The following NPLOC4 variants were observed in gnomAD, a reference collection of about 807,000 sequenced individuals.
NPLOC4 encodes nuclear protein localization protein 4 homolog.
Under a neutral mutation model 80.6 loss-of-function variants are expected in NPLOC4, and 18 were observed. The ratio of observed to expected loss-of-function variants is 0.22; its 90% CI spans 0.15 to 0.33. NPLOC4 has a LOEUF of 0.33. Among genes scored for constraint, NPLOC4 ranks in the 10% least tolerant of loss-of-function variants. The pLI is 1.00. For synonymous variants in NPLOC4, 313 were observed against 301.5 expected (o/e 1.04, Z -0.39); for missense variants, 540 against 786.1 (o/e 0.69, Z 3.74).
Position 81,606,727 on chromosome 17 carries a change from A to C in NPLOC4, c.618T>G (p.Thr206=), listed in dbSNP as rs764300545. The C allele has an allele frequency of 1.2e-6, 2 of 1,613,844 alleles. No individual in the cohort carries two copies. The highest frequency in any genetic ancestry group is 2.2e-5 in the South Asian group (2 of 91,064). Reference sequence around the variant, plus strand: ...GCGTGATGGCGCTCGGCTGGCACTTAGTACAGATGCCATTCGGCCACGGGA... The same window carrying C: ...GCGTGATGGCGCTCGGCTGGCACTTCGTACAGATGCCATTCGGCCACGGGA... ...GHLPWPNGIC[T]KCQPSAITLN... is the part of the protein sequence containing the mutation. The change falls in exon 7 of 17, where the codon ACT becomes ACG. Residue 206 remains threonine (T), a synonymous_variant. Transcript: ENST00000331134.
At chr17:81,619,302 G>A (rs1378035885) in intron 3 of NPLOC4, among the ~76,000 whole-genome samples, 7 of 151,984 alleles carry the variant, frequency 4.6e-5, no homozygotes, top group South Asian at 2.1e-4. Flanking sequence ...GCATGAACCC[G>A]GGAGGTGGAG....
chr17:81,631,438 T>TA (rs1568170977), intron 1 of NPLOC4, among the ~76,000 whole-genome samples: 398 of 25,900 alleles, frequency 0.015, 3 homozygotes, highest in African/African-American at 0.046. Flanking sequence ...ATATATATAT[T>TA]TTTTTTTTTT....
At chr17:81,593,014 G>A (rs576570065) in intron 11 of NPLOC4, among the ~76,000 whole-genome samples, 1 of 151,986 alleles carries the variant, frequency 6.6e-6, no homozygotes, top group African/African-American at 2.4e-5. Flanking sequence ...AAAGATCCTC[G>A]ATTTCACTCA....
intron 1 of NPLOC4, 140 bp from the exon 2 acceptor site, chr17:81,629,945 G>C (rs2035887494): frequency 1.6e-6 from 1 of 637,760 alleles, no homozygotes; most frequent in Non-Finnish European, 2.8e-6. Context: ...TCAATACCCA[G>C]CTCAATCCTT....
At chr17:81,559,925 G>C (rs1030898450) in intron 16 of NPLOC4, among the ~76,000 whole-genome samples, 3 of 151,314 alleles carry the variant, frequency 2.0e-5, no homozygotes, top group Non-Finnish European at 4.4e-5. Context: ...GGTAGAACTA[G>C]GGTTTCACCA....
At chr17:81,583,922 T>C (rs12942146) in intron 12 of NPLOC4, among the ~76,000 whole-genome samples, 148,581 of 152,370 alleles carry the variant, frequency 0.98, 72,452 homozygotes, top group African/African-American at 0.99. Flanking sequence ...TATAGATGCA[T>C]TTTTAATTTT....
intron 5 of NPLOC4, among the ~76,000 whole-genome samples, chr17:81,609,102 C>A (rs2035278402): frequency 6.6e-6 from 1 of 152,228 alleles, no homozygotes; most frequent in Admixed American, 6.5e-5. Context: ...CTCACTACAA[C>A]CTCCACCTCT....
chr17:81,567,811 G>C lies in NPLOC4; in HGVS notation c.1450-278C>G, dbSNP rs2034051850. The C allele has an allele frequency of 5.7e-6, 2 of 349,726 alleles. No individual in the cohort carries two copies. The highest frequency in any genetic ancestry group is 5.3e-6 in the Non-Finnish European group (1 of 187,492). 21.7% of individuals were successfully genotyped at this position (349,726 alleles called of 1,614,324 possible). ...AGCTGACTCAGACTGGCCAGGTGTG[G>C]AGGCTAACACAGTAATTCCAGCACT... On this transcript the variant is annotated intron_variant, in intron 14 of 16. Coordinates refer to ENST00000331134, the MANE Select transcript of NPLOC4 (RefSeq NM_017921.4). This position sits in a 1 kb window ranked among gnomAD's most constrained non-coding sequence, Gnocchi z 4.5.
intron 11 of NPLOC4, among the ~76,000 whole-genome samples, chr17:81,594,432 AT>A (rs2034840515): frequency 3.9e-5 from 6 of 152,086 alleles, no homozygotes; most frequent in Admixed American, 3.9e-4. Flanking sequence ...TGCACCTTAA[AT>A]CAAGGAACTG....
In NPLOC4 at chr17:81,572,902, A is replaced by C. The variant is rs2034198785; in HGVS notation, c.1282-814T>G. 6.6e-6 allele frequency among the ~76,000 whole-genome samples: 1 copy of C among 152,238 alleles called. No individual in the cohort carries two copies. ...AATAAAGGCATGCACAAATGAGCGCACACACAAATATGAAGACACGGGAAC... is the reference window on the plus strand; with the variant it reads ...AATAAAGGCATGCACAAATGAGCGCCCACACAAATATGAAGACACGGGAAC... On this transcript the variant is annotated intron_variant, in intron 12 of 16. Coordinates refer to ENST00000331134, the MANE Select transcript of NPLOC4 (RefSeq NM_017921.4). This position sits in a 1 kb window ranked among gnomAD's most constrained non-coding sequence, Gnocchi z 4.5.
In NPLOC4 at chr17:81,572,848, C is replaced by G. The variant is rs972985826; in HGVS notation, c.1282-760G>C. ...CTCACACCTCTGAAAACCCGACTTT[C>G]CAGAAACCGAGTACTTGGACATTAA... On this transcript the variant is annotated intron_variant, in intron 12 of 16. Coordinates refer to ENST00000331134, the MANE Select transcript of NPLOC4 (RefSeq NM_017921.4). The surrounding 1 kb of genome is among the most constrained non-coding windows in gnomAD (Gnocchi z 4.5). Among the ~76,000 whole-genome samples, 1 of 152,186 alleles carries G rather than the reference C, an allele frequency of 6.6e-6. No homozygotes were observed. Among genetic ancestry groups the G allele is most frequent in the Non-Finnish European group, 1.5e-5 (1 of 68,042 alleles).
chr17:81,601,657 T>TAC (rs1397941407), intron 8 of NPLOC4, among the ~76,000 whole-genome samples: 2 of 152,280 alleles, frequency 1.3e-5, no homozygotes, highest in East Asian at 3.9e-4. Flanking sequence ...GCATCCTGAG[T>TAC]ACAGCACAGT....
chr17:81,561,203 C>T (rs1474513493), intron 16 of NPLOC4, among the ~76,000 whole-genome samples: 3 of 152,128 alleles, frequency 2.0e-5, no homozygotes, highest in Non-Finnish European at 2.9e-5. Context: ...AATGATCCAC[C>T]GCCTCGGCCT....
In NPLOC4 at chr17:81,629,892, T is replaced by A. The variant is rs1480501550; in HGVS notation, c.16-87A>T. 4 of 960,334 alleles carry A rather than the reference T, an allele frequency of 4.2e-6. No individual in the cohort carries two copies. In the African/African-American group the frequency reaches 4.9e-5, roughly 12 times the overall value. The allele number at this position is 960,334 out of a possible 1,614,324, so 59.5% of individuals were successfully genotyped here. ...GGCTTCCATCTGTGGTCTTTTAGCA[T>A]CTGGGTCACTGAAAATTAAAGCCAA... On this transcript the variant is annotated intron_variant, in intron 1 of 16. Transcript: ENST00000331134.
At chr17:81,604,430 C>A in intron 8 of NPLOC4, 118 bp downstream of exon 8, 1 of 849,882 alleles carries the variant, frequency 1.2e-6, no homozygotes. Context: ...GCACGTGCAC[C>A]GGTGTGTGAC....
chr17:81,573,686 C>T (rs2034218936), intron 12 of NPLOC4: 1 of 152,218 alleles, frequency 6.6e-6, no homozygotes, highest in Admixed American at 6.5e-5. Flanking sequence ...TCTCTACTCA[C>T]AGCTAGAGAG....
At chr17:81,605,084 T>A (rs2144218645) in intron 7 of NPLOC4, among the ~76,000 whole-genome samples, 1 of 150,912 alleles carries the variant, frequency 6.6e-6, no homozygotes, top group East Asian at 2.0e-4. Context: ...CATGATGAAA[T>A]CCCGTCTCTA....
chr17:81,634,723 TA>T (rs2036021831), intron 1 of NPLOC4, among the ~76,000 whole-genome samples: 1 of 151,902 alleles, frequency 6.6e-6, no homozygotes, highest in Admixed American at 6.6e-5. Context: ...GTAGCTGGGA[TA>T]ACAGGTGCAT....
chr17:81,599,389 C>T (rs989580010), intron 9 of NPLOC4, among the ~76,000 whole-genome samples: 2 of 152,094 alleles, frequency 1.3e-5, no homozygotes, highest in African/African-American at 4.8e-5. Context: ...CAAATTAGGT[C>T]AAAAAATTGG....
Sources: gnomAD v4.1 joint callset for allele counts (sites outside exome capture counted in the v4.1 genomes callset) on GRCh38, gnomAD v4.1.1 for gene constraint, Gnocchi (gnomAD v3.1) non-coding constraint, MANE v1.5 for transcripts, NCBI Gene and HGNC (gene_info 2026-07-23, HGNC 2026-07-21) for gene names.